The following EHBP1 variants were observed in gnomAD, a reference collection of about 807,000 sequenced individuals.
EHBP1 encodes EH domain binding protein 1, also known as EH domain-binding protein 1.
In EHBP1, 55 loss-of-function variants were observed where a neutral mutation model predicts 144.0. The ratio of observed to expected loss-of-function variants is 0.38; its 90% CI spans 0.31 to 0.48. The LOEUF (loss-of-function observed/expected upper bound fraction) is 0.48, where lower values mean the gene tolerates loss of function less well. EHBP1 is among the 20% of genes least tolerant of loss of function. The pLI is 0.98. For missense variants in EHBP1, 1,200 were observed against 1,364.2 expected, an observed-to-expected ratio of 0.88 and a Z score of 1.90; for synonymous variants, 469 against 472.7, an observed-to-expected ratio of 0.99 and a Z score of 0.10.
At chr2:62,905,770 G>A (rs2053759841) in intron 10 of EHBP1, among the ~76,000 whole-genome samples, 1 of 152,164 alleles carries the variant, frequency 6.6e-6, no homozygotes, top group East Asian at 1.9e-4. Context: ...GTTGAAGTGA[G>A]CCGAGATCAA....
At chr2:63,030,516 C>T (rs1241404809) in intron 19 of EHBP1, among the ~76,000 whole-genome samples, 2 of 151,770 alleles carry the variant, frequency 1.3e-5, no homozygotes, top group Non-Finnish European at 2.9e-5. Flanking sequence ...GAGACGGAGT[C>T]TCGCTCTATC....
At chr2:62,727,848 G>C (rs1165355118) in intron 2 of EHBP1, among the ~76,000 whole-genome samples, 1 of 152,150 alleles carries the variant, frequency 6.6e-6, no homozygotes. Context: ...CCCAGACAAG[G>C]CTGTTATTTT....
chr2:62,830,193 CACAT>C (rs1292331731), intron 6 of EHBP1, among the ~76,000 whole-genome samples: 1,519 of 106,508 alleles, frequency 0.014, 19 homozygotes, highest in African/African-American at 0.043. Flanking sequence ...CACACACACA[CACAT>C]ATATATACAC....
chr2:62,940,967 A>G (rs930052681), intron 10 of EHBP1, among the ~76,000 whole-genome samples: 37 of 152,172 alleles, frequency 2.4e-4, no homozygotes, highest in Non-Finnish European at 2.1e-4. Flanking sequence ...TCATTTATAC[A>G]TTACCTATGG....
chr2:62,811,879 T>G (rs2045039052), intron 5 of EHBP1, among the ~76,000 whole-genome samples: 1 of 152,194 alleles, frequency 6.6e-6, no homozygotes. Flanking sequence ...ACTGAGACTT[T>G]TAAGTCCAGT....
chr2:62,730,694 G>GACAC (rs2037434872), intron 2 of EHBP1, among the ~76,000 whole-genome samples: 1 of 149,624 alleles, frequency 6.7e-6, no homozygotes, highest in Admixed American at 6.7e-5. Flanking sequence ...GACAGAGAGA[G>GACAC]ACAGACAGAC....
intron 3 of EHBP1, among the ~76,000 whole-genome samples, chr2:62,752,858 A>G (rs1573135763): frequency 6.6e-6 from 1 of 151,910 alleles, no homozygotes; most frequent in African/African-American, 2.4e-5. Flanking sequence ...TGCTTGGTAG[A>G]TCTTCCTCCA....
At position 63,037,602 on chromosome 2, in the gene EHBP1, CT is replaced by C; in HGVS notation, c.3173del (p.Leu1058Ter). On this transcript the variant is annotated frameshift_variant, in exon 20 of 23. Transcript: ENST00000431489. LOFTEE classifies it high-confidence loss of function. ...WFMLVNKKNA[L>X]IRRMNQLSLL... ...TTATGTTAGTTAATAAGAAAAATGC[CT>C]TAATAAGGAGAATGAATCAGCTCTC... 1 of 1,603,508 alleles carries C rather than the reference CT, an allele frequency of 6.2e-7. No individual in the cohort carries two copies.
intron 5 of EHBP1, among the ~76,000 whole-genome samples, chr2:62,802,004 G>A (rs1163928755): frequency 1.3e-5 from 2 of 152,178 alleles, no homozygotes; most frequent in African/African-American, 4.8e-5. Flanking sequence ...TTGGTCACAG[G>A]ATATACTCTG....
chr2:62,972,676 A>G (rs1326530320), intron 14 of EHBP1, among the ~76,000 whole-genome samples: 4 of 152,162 alleles, frequency 2.6e-5, no homozygotes, highest in Admixed American at 2.6e-4. Flanking sequence ...CCCACTGGAG[A>G]GCTTCAGGCC....
At chr2:62,705,410 A>G (rs184450410), upstream of EHBP1, among the ~76,000 whole-genome samples, 1 of 149,334 alleles carries the variant, frequency 6.7e-6, no homozygotes, top group East Asian at 2.0e-4. Flanking sequence ...CACTATAAAC[A>G]CTCCCTATTC....
chr2:62,851,268 C>A (rs1287536506), intron 7 of EHBP1, among the ~76,000 whole-genome samples: 1 of 152,176 alleles, frequency 6.6e-6, no homozygotes, highest in African/African-American at 2.4e-5. Flanking sequence ...CAACAACCTT[C>A]ATGATAGGAC....
At chr2:62,733,272 G>T (rs538440878) in intron 2 of EHBP1, among the ~76,000 whole-genome samples, 2 of 152,294 alleles carry the variant, frequency 1.3e-5, no homozygotes, top group East Asian at 3.9e-4. Flanking sequence ...GTTTACCGCA[G>T]CTATAGCTAT....
rs114708945 is a variant in EHBP1 at position 62,795,379 on chromosome 2, T to C, written c.312+23987T>C. On this transcript the variant is annotated intron_variant, in intron 5 of 22. Transcript: ENST00000431489. The stretch of plus-strand genomic sequence containing the variant: ...TGTACTATATTTCATAATTATTTCA[T>C]GATTTATCAACTTAGGCAACATTTA... Among the ~76,000 whole-genome samples, 901 of 152,236 alleles carry C rather than the reference T, an allele frequency of 5.9e-3. 7 individuals carry two copies. The highest frequency in any genetic ancestry group is 0.011 in the South Asian group (55 of 4,828).
chr2:62,740,344 A>G (rs537448978), intron 2 of EHBP1, among the ~76,000 whole-genome samples: 43 of 152,242 alleles, frequency 2.8e-4, no homozygotes, highest in Non-Finnish European at 4.0e-4. Context: ...TATTTGTACA[A>G]TTTTTTTCCC....
chr2:62,827,088 A>C (rs1463168730), intron 6 of EHBP1, among the ~76,000 whole-genome samples: 1 of 152,228 alleles, frequency 6.6e-6, no homozygotes, highest in Non-Finnish European at 1.5e-5. Flanking sequence ...TTCTGAATGT[A>C]TTTGACCTAG....
chr2:62,991,011 A>G (rs1408921497), intron 16 of EHBP1, among the ~76,000 whole-genome samples, 171 bp downstream of exon 16: 1 of 152,172 alleles, frequency 6.6e-6, no homozygotes, highest in Non-Finnish European at 1.5e-5. Flanking sequence ...CAAGTCCAGC[A>G]CTTTGGGAGG....
At chr2:62,780,192 G>GA (rs949541829) in intron 5 of EHBP1, among the ~76,000 whole-genome samples, 6 of 150,500 alleles carry the variant, frequency 4.0e-5, no homozygotes, top group Admixed American at 1.3e-4. Context: ...TTTCTACAAA[G>GA]AAAAAAAAAT....
At chr2:62,985,072 G>A (rs2059129842) in intron 15 of EHBP1, among the ~76,000 whole-genome samples, 1 of 151,994 alleles carries the variant, frequency 6.6e-6, no homozygotes, top group Non-Finnish European at 1.5e-5. Context: ...CCAACATCCA[G>A]TTGATTTCCA....
Sources: gnomAD v4.1 joint callset for allele counts (sites outside exome capture counted in the v4.1 genomes callset) on GRCh38, gnomAD v4.1.1 for gene constraint, MANE v1.5 for transcripts, NCBI Gene and HGNC (gene_info 2026-07-23, HGNC 2026-07-21) for gene names.